Variants in TGFBRAP1 observed in about 807,000 individuals in gnomAD.
TGFBRAP1 encodes transforming growth factor beta receptor associated protein 1, also known as transforming growth factor-beta receptor-associated protein 1.
Under a neutral mutation model 83.2 loss-of-function variants are expected in TGFBRAP1, and 20 were observed. The ratio of observed to expected loss-of-function variants is 0.24; its 90% confidence interval spans 0.17 to 0.35. TGFBRAP1 has a LOEUF of 0.35. TGFBRAP1 is among the 10% of genes least tolerant of loss of function. TGFBRAP1 has a pLI of 1.00. For missense variants in TGFBRAP1, 950 were observed against 1,099.4 expected, an observed-to-expected ratio of 0.86 and a Z score of 1.92; for synonymous variants, 415 against 459.8, an observed-to-expected ratio of 0.90 and a Z score of 1.25.
intron 1 of TGFBRAP1, among the ~76,000 whole-genome samples, chr2:105,314,370 C>A (rs1678786142): frequency 6.6e-6 from 1 of 151,342 alleles, no homozygotes; most frequent in Non-Finnish European, 1.5e-5. Context: ...CCTGCCTCAG[C>A]CTCCCGAGTA....
At chr2:105,307,121 G>A (rs1289128105) in intron 2 of TGFBRAP1, among the ~76,000 whole-genome samples, 1 of 152,140 alleles carries the variant, frequency 6.6e-6, no homozygotes, top group Non-Finnish European at 1.5e-5. Flanking sequence ...TAAGACAGAG[G>A]TGGGAACTTC....
intron 2 of TGFBRAP1, among the ~76,000 whole-genome samples, chr2:105,301,259 A>T (rs1678281039): frequency 6.6e-6 from 1 of 151,722 alleles, no homozygotes; most frequent in South Asian, 2.1e-4. Context: ...AAAGAGATAA[A>T]ATTGAATGTA....
At chr2:105,286,215 C>T (rs1387270109) in intron 4 of TGFBRAP1, among the ~76,000 whole-genome samples, 1 of 152,194 alleles carries the variant, frequency 6.6e-6, no homozygotes, top group Non-Finnish European at 1.5e-5. Flanking sequence ...TACATGCACA[C>T]TTGGAAGGGG....
At chr2:105,251,518 G>GGA in the TGFBRAP1 span, among the ~76,000 whole-genome samples, 1 of 146,654 alleles carries the variant, frequency 6.8e-6, no homozygotes, top group African/African-American at 2.6e-5. Context: ...GGAGGGAGGT[G>GGA]GGGGGGGATC....
downstream of TGFBRAP1, among the ~76,000 whole-genome samples, chr2:105,260,764 TACC>T (rs1227226259): frequency 6.6e-6 from 1 of 152,176 alleles, no homozygotes; most frequent in African/African-American, 2.4e-5. Flanking sequence ...ATGTATATTT[TACC>T]ACAATAAAAA....
At chr2:105,307,482 CCT>C (rs1249652378) in intron 2 of TGFBRAP1, 130 bp downstream of exon 2, 7 of 982,970 alleles carry the variant, frequency 7.1e-6, no homozygotes, top group Non-Finnish European at 1.1e-5. Flanking sequence ...AGCACTGCTA[CCT>C]CTGTCTTGCC....
chr2:105,296,178 G>T (rs10496391), intron 4 of TGFBRAP1, among the ~76,000 whole-genome samples, 178 bp downstream of exon 4: 1 of 151,604 alleles, frequency 6.6e-6, no homozygotes, highest in Non-Finnish European at 1.5e-5. Flanking sequence ...CTGTTTGACC[G>T]CCCTAAAGCC....
rs575620615 is a variant in TGFBRAP1 at position 105,304,656 on chromosome 2, G to A, written c.688+2958C>T. Among the ~76,000 whole-genome samples, 3 of 152,324 alleles carry A rather than the reference G, an allele frequency of 2.0e-5. No individual in the cohort carries two copies. In the South Asian group the frequency reaches 6.2e-4, roughly 32 times the overall value. ...AAATTAGCTGAGCATGGTGGCACAT[G>A]CCTATAGTCCCAGCTACTCGGGAGG... On this transcript the variant is annotated intron_variant, in intron 2 of 11. Transcript: ENST00000393359.
intron 1 of TGFBRAP1, among the ~76,000 whole-genome samples, chr2:105,328,770 G>C (rs1359300061): frequency 6.6e-6 from 1 of 152,224 alleles, no homozygotes; most frequent in East Asian, 1.9e-4. Context: ...TGCAGTCCAC[G>C]TGCAGTAAGG....
intron 1 of TGFBRAP1, among the ~76,000 whole-genome samples, chr2:105,311,520 G>A (rs931942027): frequency 2.0e-5 from 3 of 152,136 alleles, no homozygotes; most frequent in East Asian, 1.9e-4. Flanking sequence ...AGTGGTTTGC[G>A]GCTTCAGTGA....
intron 7 of TGFBRAP1, among the ~76,000 whole-genome samples, 200 bp from the exon 8 acceptor site, chr2:105,275,903 G>C (rs185265469): frequency 6.6e-6 from 1 of 150,402 alleles, no homozygotes; most frequent in Non-Finnish European, 1.5e-5. Flanking sequence ...CATAGTCCAA[G>C]AAATAAAAAA....
chr2:105,301,189 T>C (rs1678277954), intron 2 of TGFBRAP1, among the ~76,000 whole-genome samples: 1 of 152,106 alleles, frequency 6.6e-6, no homozygotes, highest in Admixed American at 6.5e-5. Flanking sequence ...GCCACTGCAC[T>C]CTGGCCTTGG....
At chr2:105,291,317 C>T (rs1312895493) in intron 4 of TGFBRAP1, among the ~76,000 whole-genome samples, 3 of 152,186 alleles carry the variant, frequency 2.0e-5, no homozygotes, top group Non-Finnish European at 2.9e-5. Context: ...AGACTCCAAA[C>T]GTACAGACAC....
At chr2:105,262,571 T>G (rs1203262016), downstream of TGFBRAP1, among the ~76,000 whole-genome samples, 1 of 152,192 alleles carries the variant, frequency 6.6e-6, no homozygotes, top group Non-Finnish European at 1.5e-5. Context: ...AAAAATGGAC[T>G]GACGCAGGCA....
At chr2:105,253,565 G>A in the TGFBRAP1 span, among the ~76,000 whole-genome samples, 1 of 152,142 alleles carries the variant, frequency 6.6e-6, no homozygotes, top group East Asian at 1.9e-4. Context: ...CTGAGTAGCT[G>A]GGACTACAGG....
chr2:105,320,227 C>G (rs1036920287), intron 1 of TGFBRAP1, among the ~76,000 whole-genome samples: 2 of 152,136 alleles, frequency 1.3e-5, no homozygotes, highest in African/African-American at 4.8e-5. Context: ...ACCTATGCAG[C>G]TATATGTGCA....
intron 4 of TGFBRAP1, among the ~76,000 whole-genome samples, chr2:105,285,752 A>T (rs1242105124): frequency 1.3e-5 from 2 of 152,330 alleles, no homozygotes; most frequent in East Asian, 3.9e-4. Flanking sequence ...TTCCTCACCT[A>T]CTTCCAGTAG....
intron 5 of TGFBRAP1, among the ~76,000 whole-genome samples, chr2:105,284,108 A>C (rs1368380175): frequency 6.6e-6 from 1 of 152,116 alleles, no homozygotes; most frequent in Non-Finnish European, 1.5e-5. Context: ...TCTAAGACAT[A>C]GGCCAGTTAA....
chr2:105,276,699 T>C (rs1321572103), intron 7 of TGFBRAP1, among the ~76,000 whole-genome samples: 2 of 152,188 alleles, frequency 1.3e-5, no homozygotes, highest in African/African-American at 4.8e-5. Context: ...CACCAGGTTT[T>C]TGAAAATGAA....
Sources: allele counts gnomAD v4.1 joint callset (sites outside exome capture counted in the v4.1 genomes callset), GRCh38; gene constraint gnomAD v4.1.1; transcripts MANE v1.5; gene names NCBI Gene and HGNC (gene_info 2026-07-23, HGNC 2026-07-21).